The following KCNN2 variants were observed in gnomAD, a reference collection of about 807,000 sequenced individuals.
KCNN2 encodes potassium calcium-activated channel subfamily N member 2.
In KCNN2, 24 loss-of-function variants were observed where a neutral mutation model predicts 55.5. The ratio of observed to expected loss-of-function variants is 0.43; its 90% confidence interval spans 0.31 to 0.61. KCNN2 has a LOEUF of 0.61. Ranked by LOEUF, KCNN2 falls within the 20% of genes least tolerant of loss-of-function variation. The pLI is 0.08. For missense variants in KCNN2, 754 were observed against 853.6 expected, an observed-to-expected ratio of 0.88 and a Z score of 1.45; for synonymous variants, 431 against 336.1, an observed-to-expected ratio of 1.28 and a Z score of -3.09.
intron 5 of KCNN2, among the ~76,000 whole-genome samples, chr5:114,482,889 TA>T (rs905127279): frequency 5.3e-5 from 8 of 151,452 alleles, no homozygotes; most frequent in African/African-American, 1.9e-4. Context: ...GAGGAGGGGG[TA>T]GGGGGAGTGA....
intron 1 of KCNN2, among the ~76,000 whole-genome samples, chr5:114,179,940 ATCTT>A (rs929949887): frequency 2.0e-5 from 3 of 152,208 alleles, no homozygotes; most frequent in African/African-American, 7.2e-5. Context: ...ACAGCCACTT[ATCTT>A]TATTTTATTA....
In KCNN2 at chr5:114,265,760, C is replaced by A. The variant is rs907468180; in HGVS notation, c.-185+44195C>A. On this transcript the variant is annotated intron_variant, in intron 2 of 10. Coordinates refer to the KCNN2 transcript ENST00000512097. ...GGCTGAATGTCTGGGCACCCCATGA[C>A]CCAGTCATATTGACATGTAAAATTA... is the stretch of plus-strand genomic sequence containing the variant. Among the ~76,000 whole-genome samples, 3 of 152,182 alleles carry A rather than the reference C, an allele frequency of 2.0e-5. No homozygotes were observed. In the East Asian group the frequency reaches 5.8e-4, roughly 29 times the overall value.
intron 2 of KCNN2, among the ~76,000 whole-genome samples, chr5:114,403,631 C>G (rs373167761): frequency 6.6e-6 from 1 of 152,170 alleles, no homozygotes; most frequent in African/African-American, 2.4e-5. Flanking sequence ...GACTTGTTTA[C>G]AGAGAGCCAG....
chr5:114,211,062 A>G (rs1580622607), intron 1 of KCNN2, among the ~76,000 whole-genome samples: 1 of 152,230 alleles, frequency 6.6e-6, no homozygotes, highest in Non-Finnish European at 1.5e-5. Context: ...AAAAAAAAAC[A>G]GATGGTTGCA....
chr5:114,492,604 T>C (rs1747914472), intron 6 of KCNN2, among the ~76,000 whole-genome samples: 1 of 151,908 alleles, frequency 6.6e-6, no homozygotes, highest in African/African-American at 2.4e-5. Flanking sequence ...CTACAAGTGT[T>C]TTTTTAATAC....
At chr5:114,125,828 T>C (rs1751919740) in intron 1 of KCNN2, among the ~76,000 whole-genome samples, 1 of 152,190 alleles carries the variant, frequency 6.6e-6, no homozygotes, top group East Asian at 1.9e-4. Context: ...AAATTTCCTC[T>C]TATAAGTACA....
At chr5:114,274,898 A>T (rs1414199056) in intron 2 of KCNN2, among the ~76,000 whole-genome samples, 1 of 152,176 alleles carries the variant, frequency 6.6e-6, no homozygotes, top group African/African-American at 2.4e-5. Context: ...GAGAGAGGGC[A>T]TCCTTGTCAT....
chr5:114,329,359 T>A (rs1327375345), intron 2 of KCNN2, among the ~76,000 whole-genome samples: 1 of 152,172 alleles, frequency 6.6e-6, no homozygotes, highest in Non-Finnish European at 1.5e-5. Flanking sequence ...ACCCTCAATC[T>A]GTGTGGGCAT....
intron 1 of KCNN2, among the ~76,000 whole-genome samples, chr5:114,077,934 ATTTGTCTTAGGTGTATT>A (rs1321672071): frequency 1.3e-5 from 2 of 152,086 alleles, no homozygotes; most frequent in East Asian, 3.9e-4. Flanking sequence ...AGACAAATGT[ATTTGTCTTAGGTGTATT>A]TTTGAAATAT....
chr5:114,280,678 A>G (rs1755605877), intron 2 of KCNN2, among the ~76,000 whole-genome samples: 1 of 152,148 alleles, frequency 6.6e-6, no homozygotes, highest in African/African-American at 2.4e-5. Context: ...CTTACCTGAC[A>G]CTGCAGTAGC....
At chr5:114,130,070 C>A (rs758106824) in intron 1 of KCNN2, among the ~76,000 whole-genome samples, 2 of 152,208 alleles carry the variant, frequency 1.3e-5, no homozygotes, top group Non-Finnish European at 2.9e-5. Flanking sequence ...TGGAACATCA[C>A]CTTCCTCCCT....
chr5:114,216,167 A>G (rs1042152474), intron 1 of KCNN2, among the ~76,000 whole-genome samples: 7 of 152,150 alleles, frequency 4.6e-5, no homozygotes, highest in African/African-American at 1.7e-4. Context: ...GTCCAACATT[A>G]CTACACCAAG....
In KCNN2 at chr5:114,274,916, T is replaced by C. The variant is rs575856644; in HGVS notation, c.-185+53351T>C. Among the ~76,000 whole-genome samples, 5 of 152,264 alleles carry C rather than the reference T, an allele frequency of 3.3e-5. No individual in the cohort carries two copies. In the South Asian group the frequency reaches 8.3e-4, roughly 25 times the overall value. On this transcript the variant is annotated intron_variant, in intron 2 of 10. Coordinates refer to the KCNN2 transcript ENST00000512097. ...AGAGGGCATCCTTGTCATATGCCGG[T>C]TTTCAAAGGGAATGCTTCCAGTTTT...
intron 3 of KCNN2, among the ~76,000 whole-genome samples, chr5:114,425,981 A>T (rs1241297843): frequency 6.6e-6 from 1 of 151,342 alleles, no homozygotes; most frequent in Admixed American, 6.6e-5. Context: ...GGAGTTTGAG[A>T]CCAGCCTGGG....
At chr5:114,445,462 T>C (rs1482183516) in intron 3 of KCNN2, among the ~76,000 whole-genome samples, 2 of 152,166 alleles carry the variant, frequency 1.3e-5, no homozygotes, top group Admixed American at 6.5e-5. Flanking sequence ...AACAAACACT[T>C]TAATTAAATT....
chr5:114,080,058 A>C (rs1330870832), intron 1 of KCNN2, among the ~76,000 whole-genome samples: 3 of 152,070 alleles, frequency 2.0e-5, no homozygotes. Flanking sequence ...ATTCACATAC[A>C]CTTGCTATTG....
chr5:114,494,508 G>T (rs34484477), intron 7 of KCNN2, among the ~76,000 whole-genome samples: 1 of 151,596 alleles, frequency 6.6e-6, no homozygotes, highest in South Asian at 2.1e-4. Context: ...CTCGATTAAC[G>T]TGTATAAATG....
chr5:114,434,490 C>T (rs74682332), intron 3 of KCNN2, among the ~76,000 whole-genome samples: 145 of 152,306 alleles, frequency 9.5e-4, no homozygotes, highest in African/African-American at 3.3e-3. Context: ...GATGCTTGCT[C>T]TGTCTTCACA....
At position 114,086,551 on chromosome 5, in the gene KCNN2, G is replaced by A. The variant is rs559001257; in HGVS notation, c.-271+30051G>A. Reference sequence around the variant, plus strand: ...ATGTGGTATTTGGTTTTCTATTCCTGCATTAATTTGCTTAGGATAATGGCC... The same window carrying A: ...ATGTGGTATTTGGTTTTCTATTCCTACATTAATTTGCTTAGGATAATGGCC... On this transcript the variant is annotated intron_variant, in intron 1 of 10. Coordinates refer to the KCNN2 transcript ENST00000512097. Among the ~76,000 whole-genome samples, 11 of 151,928 alleles carry A rather than the reference G, an allele frequency of 7.2e-5. No homozygotes were observed. The South Asian group carries it at 1.9e-3, about 26-fold the overall frequency.
Sources: allele counts gnomAD v4.1 joint callset (sites outside exome capture counted in the v4.1 genomes callset), GRCh38; gene constraint gnomAD v4.1.1; transcripts MANE v1.5; gene names NCBI Gene and HGNC (gene_info 2026-07-23, HGNC 2026-07-21).